The following FLT4 variants were observed in gnomAD, a reference collection of about 807,000 sequenced individuals.
FLT4 encodes vascular endothelial growth factor receptor 3.
A neutral mutation model predicts 163.2 loss-of-function variants in FLT4; 30 were observed. The observed-to-expected ratio is 0.18, with a 90% CI of 0.14 to 0.25. The LOEUF is 0.25. Among genes scored for constraint, FLT4 ranks in the 10% least tolerant of loss-of-function variants. The pLI is 1.00. For missense variants in FLT4, 1,510 were observed against 1,863.8 expected, an observed-to-expected ratio of 0.81 and a Z score of 3.50; for synonymous variants, 884 against 789.5, an observed-to-expected ratio of 1.12 and a Z score of -2.01.
intron 1 of FLT4, 48 bp from the exon 2 acceptor site, chr5:180,631,826 C>G (rs199556544): frequency 7.6e-7 from 1 of 1,324,058 alleles, no homozygotes; most frequent in Non-Finnish European, 1.1e-6. Flanking sequence ...TGACTTGGCA[C>G]GACGTTGATG....
intron 29 of FLT4, 121 bp downstream of exon 29, chr5:180,608,847 G>A (rs910673289): frequency 1.5e-5 from 13 of 867,590 alleles, no homozygotes; most frequent in Non-Finnish European, 2.4e-5. Context: ...CGCGCGAAAA[G>A]GCCATAGGGA....
intron 29 of FLT4, among the ~76,000 whole-genome samples, chr5:180,607,436 G>A (rs1033111933): frequency 6.6e-6 from 1 of 152,012 alleles, no homozygotes; most frequent in Admixed American, 6.5e-5. Context: ...AGGAGATCGA[G>A]ACCATCCTGG....
Position 180,602,951 on chromosome 5 carries a change from G to A in FLT4, c.*241C>T. The A allele has an allele frequency of 1.7e-6, 1 of 597,880 alleles. No individual in the cohort carries two copies. Among genetic ancestry groups the A allele is most frequent in the Non-Finnish European group, 3.0e-6 (1 of 334,942 alleles). 37.0% of individuals were successfully genotyped at this position (597,880 alleles called of 1,614,324 possible). ...GCGGATGCTGAACTAAATGACATCT[G>A]AATCTCAGGGGGAGGGGCCGGGGCA... On this transcript the variant is annotated 3_prime_UTR_variant, in exon 30 of 30. Transcript: ENST00000261937.
rs757866838 is a variant in FLT4 at position 180,602,276 on chromosome 5, G to A, written c.*916C>T. On this transcript the variant is annotated 3_prime_UTR_variant, in exon 30 of 30. Transcript: ENST00000261937. Reference sequence around the variant, plus strand: ...GGGAGGGGCCGCAGGTGGCAGATCCGGGCTCTAAAGGGAAGAACCAGACCG... The same window carrying A: ...GGGAGGGGCCGCAGGTGGCAGATCCAGGCTCTAAAGGGAAGAACCAGACCG... 9 of 251,572 alleles carry A rather than the reference G, an allele frequency of 3.6e-5. No individual in the cohort carries two copies. The highest frequency in any genetic ancestry group is 1.1e-4 in the African/African-American group (5 of 45,948). 15.6% of individuals were successfully genotyped at this position (251,572 alleles called of 1,614,324 possible). A position where few individuals can be genotyped will look rare whatever the true frequency, so the allele number is the denominator to read the frequency against.
At position 180,620,002 on chromosome 5, in the gene FLT4, G is replaced by A. The variant is rs547509067; in HGVS notation, c.2542+171C>T. Among the ~76,000 whole-genome samples the A allele has an allele frequency of 1.6e-4, 24 of 152,308 alleles. 1 individual carries two copies. In the Middle Eastern group the frequency reaches 0.014, roughly 86 times the overall value. Reference sequence around the variant, plus strand: ...GGCAGCAGGTGACCTCAGGGAGCCTGGGAACTGGGGACCCTGGCTGAGGTT... The same window carrying A: ...GGCAGCAGGTGACCTCAGGGAGCCTAGGAACTGGGGACCCTGGCTGAGGTT... On this transcript the variant is annotated intron_variant, in intron 17 of 29. Transcript: ENST00000261937. This position sits in a 1 kb window ranked among gnomAD's most constrained non-coding sequence, Gnocchi z 4.4.
intron 1 of FLT4, among the ~76,000 whole-genome samples, chr5:180,641,252 C>G (rs550058455): frequency 6.6e-6 from 1 of 152,240 alleles, no homozygotes; most frequent in Non-Finnish European, 1.5e-5. Context: ...CATCAAGCGG[C>G]TCCTGGGCCG....
rs1210033797 is a variant in FLT4 at position 180,630,750 on chromosome 5, C to T, written c.205G>A (p.Ala69Thr). The T allele has an allele frequency of 1.9e-6, 3 of 1,609,268 alleles. No homozygotes were observed. The African/African-American group carries it at 4.0e-5, about 21-fold the overall frequency. Residue 69 changes from alanine to threonine, a missense_variant, in exon 3 of 30, where the codon GCC becomes ACC. By Grantham distance (58) the Ala-to-Thr change is moderately conservative. Around this residue, in one of 5 missense-constraint regions of FLT4, gnomAD observed 157 missense variants for 178.7 expected, o/e 0.88. Coordinates refer to ENST00000261937, the MANE Select transcript of FLT4 (RefSeq NM_182925.5). The surrounding 1 kb of genome is among the most constrained non-coding windows in gnomAD (Gnocchi z 6.3). ...WAWPGAQEAPATGDKDSEDTG... is the reference protein window; with the variant it reads ...WAWPGAQEAPTTGDKDSEDTG... ...TCCTCGCTGTCCTTGTCTCCGGTGGCTGGCGCCTCCTGAGCTCCTGGCCAA... is the reference window on the plus strand; with the variant it reads ...TCCTCGCTGTCCTTGTCTCCGGTGGTTGGCGCCTCCTGAGCTCCTGGCCAA...
In FLT4 at chr5:180,626,249, C is replaced by A; in HGVS notation, c.1120G>T (p.Ala374Ser). The change falls in exon 9 of 30, where the codon GCA (alanine) becomes TCA (serine). Residue 374 changes from alanine (A) to serine (S), a missense_variant. Around this residue, in one of 5 missense-constraint regions of FLT4, gnomAD observed 878 missense variants for 1,016.7 expected, o/e 0.86. Transcript: ENST00000261937. ...TGTGGACTGTGGCGCCCGGACAGTGCCTTTCCATCCTTGTACCTGGCCAGG... is the reference window on the plus strand; with the variant it reads ...TGTGGACTGTGGCGCCCGGACAGTGACTTTCCATCCTTGTACCTGGCCAGG... The part of the protein sequence containing the change: ...PEFQWYKDGK[A>S]LSGRHSPHAL... 1 of 1,612,490 alleles carries A rather than the reference C, an allele frequency of 6.2e-7. No homozygotes were observed. Among genetic ancestry groups the A allele is most frequent in the Non-Finnish European group, 8.5e-7 (1 of 1,179,998 alleles).
chr5:180,604,675 T>C (rs1761696774), intron 29 of FLT4, among the ~76,000 whole-genome samples: 1 of 152,226 alleles, frequency 6.6e-6, no homozygotes. Context: ...GCGCTCACTT[T>C]CTTTGCATTT....
rs1482645478 is a variant in FLT4, at chr5:180,636,643, G to A, written c.59-4865C>T. ...CTGGCCTCTGAGATCCCCCCTGCAC[G>A]GCCCTCACATCTTCTCCTCCTGAAT... On this transcript the variant is annotated intron_variant, in intron 1 of 29. Coordinates refer to ENST00000261937, the MANE Select transcript of FLT4 (RefSeq NM_182925.5). This position sits in a 1 kb window ranked among gnomAD's most constrained non-coding sequence, Gnocchi z 4.3. 1.3e-5 allele frequency among the ~76,000 whole-genome samples: 2 copies of A among 149,840 alleles called. No homozygotes were observed. Among genetic ancestry groups the A allele is most frequent in the African/African-American group, 4.9e-5 (2 of 40,564 alleles).
intron 1 of FLT4, among the ~76,000 whole-genome samples, chr5:180,641,230 G>C (rs980891635): frequency 6.6e-6 from 1 of 152,214 alleles, no homozygotes; most frequent in Non-Finnish European, 1.5e-5. Context: ...ACAGCACGTG[G>C]AGGGTCCGAG....
chr5:180,603,313 C>G lies in FLT4; in HGVS notation c.3971G>C (p.Arg1324Pro), dbSNP rs307821. 9.6e-4 allele frequency: 1,548 copies of G among 1,613,776 alleles called. 5 individuals carry two copies. The highest frequency in any genetic ancestry group is 1.2e-3 in the South Asian group (110 of 91,030). Residue 1324 changes from arginine (R) to proline (P), a missense_variant, in exon 30 of 30, where the codon CGG becomes CCG. Physicochemically the swap from Arg to Pro is moderately radical, Grantham distance 103. Around this residue, in one of 5 missense-constraint regions of FLT4, gnomAD observed 295 missense variants for 311.0 expected, o/e 0.95. Coordinates refer to ENST00000261937, the MANE Select transcript of FLT4 (RefSeq NM_182925.5). Reference sequence around the variant, plus strand: ...AAACACCTGGCCTCCTCGGGCCCCCCGCTCAGGCCGCCGCCGCCTCCCTTG... The same window carrying G: ...AAACACCTGGCCTCCTCGGGCCCCCGGCTCAGGCCGCCGCCGCCTCCCTTG... ...DSQGRRRRPERGARGGQVFYN... is the reference protein window; with the variant it reads ...DSQGRRRRPEPGARGGQVFYN...
At chr5:180,648,238 C>G (rs1301906405) in intron 1 of FLT4, among the ~76,000 whole-genome samples, 1 of 152,184 alleles carries the variant, frequency 6.6e-6, no homozygotes, top group Non-Finnish European at 1.5e-5. Flanking sequence ...GACTCGGAGG[C>G]CCAGATAGAT....
At chr5:180,604,261 A>G (rs1761670512) in intron 29 of FLT4, among the ~76,000 whole-genome samples, 1 of 152,052 alleles carries the variant, frequency 6.6e-6, no homozygotes, top group Admixed American at 6.6e-5. Flanking sequence ...CATCTCAGTG[A>G]ACGGCACCAC....
intron 1 of FLT4, among the ~76,000 whole-genome samples, chr5:180,632,144 G>C (rs1764225854): frequency 6.6e-6 from 1 of 152,066 alleles, no homozygotes; most frequent in South Asian, 2.1e-4. Flanking sequence ...GGCCCCTGCA[G>C]TGCTGCTGCC....
At chr5:180,627,728 G>C (rs768483690) in intron 8 of FLT4, among the ~76,000 whole-genome samples, 1 of 152,182 alleles carries the variant, frequency 6.6e-6, no homozygotes, top group Non-Finnish European at 1.5e-5. Context: ...GACCCTGGAC[G>C]CAACAGAGCT....
chr5:180,606,714 A>G (rs1418037390), intron 29 of FLT4, among the ~76,000 whole-genome samples: 2 of 152,180 alleles, frequency 1.3e-5, no homozygotes, highest in African/African-American at 4.8e-5. Context: ...GCCCAAAGCT[A>G]TTTCCGTAAA....
intron 29 of FLT4, among the ~76,000 whole-genome samples, chr5:180,605,530 A>G (rs1191610654): frequency 1.3e-5 from 2 of 152,080 alleles, no homozygotes; most frequent in Non-Finnish European, 2.9e-5. Context: ...GGGGTTCAGG[A>G]TTATTCATGT....
rs1378959918 is a variant in FLT4, at chr5:180,603,122, G to A, written c.*70C>T. 1 of 1,480,822 alleles carries A rather than the reference G, an allele frequency of 6.8e-7. No homozygotes were observed. The highest frequency in any genetic ancestry group is 1.4e-5 in the African/African-American group (1 of 72,488). 91.7% of individuals were successfully genotyped at this position (1,480,822 alleles called of 1,614,324 possible). ...GTTCAACCAGATGAGTTCCCAGCCTGGGCCTCCAGCCCTCTGCCCGCCCTG... is the reference window on the plus strand; with the variant it reads ...GTTCAACCAGATGAGTTCCCAGCCTAGGCCTCCAGCCCTCTGCCCGCCCTG... On this transcript the variant is annotated 3_prime_UTR_variant, in exon 30 of 30. Transcript: ENST00000261937.
Sources: gnomAD v4.1 joint callset for allele counts (sites outside exome capture counted in the v4.1 genomes callset) on GRCh38, gnomAD v4.1.1 for gene constraint, gnomAD v4.1.1 regional missense constraint, Gnocchi (gnomAD v3.1) non-coding constraint, MANE v1.5 for transcripts, NCBI Gene and HGNC (gene_info 2026-07-23, HGNC 2026-07-21) for gene names.